Variants in SNTB2 observed in about 807,000 individuals in gnomAD.
SNTB2 encodes syntrophin beta 2, also known as beta-2-syntrophin.
A neutral mutation model predicts 46.2 loss-of-function variants in SNTB2; 34 were observed. That is an observed-to-expected ratio of 0.74 (90% CI 0.56 to 0.98). The LOEUF is 0.98. Ranked by LOEUF, SNTB2 falls within the 50% of genes least tolerant of loss-of-function variation. The probability of loss-of-function intolerance (pLI) is 0.00; values close to 1 mark genes in which losing one functional copy is unlikely to be tolerated. For missense variants in SNTB2, 603 were observed against 731.4 expected (o/e 0.82, Z 2.02); for synonymous variants, 290 against 312.6 (o/e 0.93, Z 0.76).
At chr16:69,240,241 A>C (rs1248703118) in intron 1 of SNTB2, among the ~76,000 whole-genome samples, 1 of 152,212 alleles carries the variant, frequency 6.6e-6, no homozygotes, top group Non-Finnish European at 1.5e-5. Context: ...AGCTCAATAA[A>C]TTAGTGAATT....
In SNTB2 at chr16:69,292,393, TA is replaced by T. The variant is rs1567416416; in HGVS notation, c.1346-7196del. Among the ~76,000 whole-genome samples, 18 of 27,754 alleles carry T rather than the reference TA, an allele frequency of 6.5e-4. 4 individuals are homozygous for T. The African/African-American group carries it at 6.9e-3, about 11-fold the overall frequency. The allele number at this position is 27,754 out of a possible 152,430, so 18.2% of individuals were successfully genotyped here. On this transcript the variant is annotated intron_variant, in intron 5 of 6. Coordinates refer to ENST00000336278, the MANE Select transcript of SNTB2 (RefSeq NM_006750.4). ...ATATATATATATTATATATATATTA[TA>T]TATATATATATATTATATATATATT...
At chr16:69,189,558 G>A (rs551675992) in intron 1 of SNTB2, among the ~76,000 whole-genome samples, 9 of 151,770 alleles carry the variant, frequency 5.9e-5, no homozygotes, top group Admixed American at 1.3e-4. Context: ...AGAACATGAC[G>A]AAACCTCGTC....
chr16:69,300,670 A>C (rs1481613249), intron 6 of SNTB2, among the ~76,000 whole-genome samples, 162 bp from the exon 7 acceptor site: 2 of 152,186 alleles, frequency 1.3e-5, no homozygotes, highest in East Asian at 3.8e-4. Flanking sequence ...ACATGGAATA[A>C]CCTTACTCCA....
chr16:69,261,601 C>T (rs1315536694), intron 3 of SNTB2, among the ~76,000 whole-genome samples: 1 of 151,982 alleles, frequency 6.6e-6, no homozygotes, highest in African/African-American at 2.4e-5. Flanking sequence ...TAATGAAAGT[C>T]ATGATATAAG....
chr16:69,289,028 G>A (rs760022877), intron 5 of SNTB2, among the ~76,000 whole-genome samples: 14 of 152,056 alleles, frequency 9.2e-5, no homozygotes, highest in Non-Finnish European at 1.6e-4. Context: ...CCAGCACTTT[G>A]GGAGGCCGAG....
rs1387800003 is a variant in SNTB2 at position 69,302,692 on chromosome 16, A to G, written c.*1768A>G. 1 of 152,234 alleles carries G rather than the reference A, an allele frequency of 6.6e-6. No homozygotes were observed. Among genetic ancestry groups the G allele is most frequent in the East Asian group, 1.9e-4 (1 of 5,204 alleles). The allele number at this position is 152,234 out of a possible 1,614,324, so 9.4% of individuals were successfully genotyped here. A position where few individuals can be genotyped will look rare whatever the true frequency, so the allele number is the denominator to read the frequency against. ...CCTTCCTCATTACAGTGAAACCAACAATATGCAGAGGTTGGGGAGAGATGC... is the reference window on the plus strand; with the variant it reads ...CCTTCCTCATTACAGTGAAACCAACGATATGCAGAGGTTGGGGAGAGATGC... On this transcript the variant is annotated 3_prime_UTR_variant, in exon 7 of 7. Coordinates refer to ENST00000336278, the MANE Select transcript of SNTB2 (RefSeq NM_006750.4).
intron 1 of SNTB2, among the ~76,000 whole-genome samples, chr16:69,238,371 A>G (rs1181536936): frequency 1.3e-5 from 2 of 152,130 alleles, no homozygotes; most frequent in East Asian, 3.9e-4. Context: ...GCTAATAGCC[A>G]TGGGATACTA....
At chr16:69,238,233 G>A (rs563359164) in intron 1 of SNTB2, among the ~76,000 whole-genome samples, 9 of 152,246 alleles carry the variant, frequency 5.9e-5, no homozygotes, top group African/African-American at 1.7e-4. Context: ...CAATTCGCAG[G>A]TCAGTGCAAT....
At chr16:69,261,853 GA>G (rs771286325) in intron 3 of SNTB2, among the ~76,000 whole-genome samples, 64 of 152,192 alleles carry the variant, frequency 4.2e-4, no homozygotes, top group Non-Finnish European at 6.9e-4. Context: ...TTTTGCCCTG[GA>G]AAGGTAACAA....
rs1314879682 is a variant in SNTB2, at chr16:69,292,369, TATATATATATTATATATATATTATATATA to T, written c.1346-7220_1346-7192del. On this transcript the variant is annotated intron_variant, in intron 5 of 6. Coordinates refer to ENST00000336278, the MANE Select transcript of SNTB2 (RefSeq NM_006750.4). Reference sequence around the variant, plus strand: ...ACCTTATTTTTTATATATATATATATATATATATATTATATATATATTATATATATATATATATTATATATATATTATAT... The same window carrying T: ...ACCTTATTTTTTATATATATATATATTATATATATTATATATATATTATAT... 1.9e-4 allele frequency among the ~76,000 whole-genome samples: 6 copies of T among 32,390 alleles called. 1 individual carries two copies. The highest frequency in any genetic ancestry group is 3.3e-4 in the Non-Finnish European group (6 of 18,050). 21.2% of individuals were successfully genotyped at this position (32,390 alleles called of 152,430 possible). A position where few individuals can be genotyped will look rare whatever the true frequency, so the allele number is the denominator to read the frequency against.
chr16:69,259,707 G>A (rs1386575094), intron 2 of SNTB2, among the ~76,000 whole-genome samples: 6 of 149,592 alleles, frequency 4.0e-5, no homozygotes, highest in South Asian at 2.1e-4. Flanking sequence ...GGGGTCAAGC[G>A]ATTCTCCTGC....
At position 69,237,583 on chromosome 16, in the gene SNTB2, TTTTCTTTC is replaced by T. The variant is rs1226861520; in HGVS notation, c.581-8003_581-7996del. Among the ~76,000 whole-genome samples, 12 of 144,858 alleles carry T rather than the reference TTTTCTTTC, an allele frequency of 8.3e-5. No homozygotes were observed. The South Asian group carries it at 1.3e-3, about 15-fold the overall frequency. On this transcript the variant is annotated intron_variant, in intron 1 of 6. Coordinates refer to ENST00000336278, the MANE Select transcript of SNTB2 (RefSeq NM_006750.4). ...CTATTTTAGGCCAGCATTTCTTTTT[TTTTCTTTC>T]TTTCTTTCTTTCTTTTTTTTTTTTT...
At chr16:69,267,406 C>T (rs891272629) in intron 3 of SNTB2, among the ~76,000 whole-genome samples, 40 of 152,238 alleles carry the variant, frequency 2.6e-4, no homozygotes, top group African/African-American at 9.6e-4. Context: ...ATCTTGGGGA[C>T]AAATACCTAG....
intron 1 of SNTB2, among the ~76,000 whole-genome samples, chr16:69,237,879 C>T (rs967949101): frequency 4.0e-5 from 6 of 151,890 alleles, no homozygotes; most frequent in East Asian, 1.9e-4. Context: ...CTGGGATTAC[C>T]GGCATGAGCC....
Position 69,303,490 on chromosome 16 carries a change from T to G in SNTB2, c.*2566T>G, listed in dbSNP as rs1965292711. On this transcript the variant is annotated 3_prime_UTR_variant, in exon 7 of 7. Transcript: ENST00000336278. ...GTGAGCAGGAAAGGCAAGGCATGTG[T>G]GCATTTTCACTCATTTTGGTCAAGG... is the stretch of plus-strand genomic sequence containing the variant. 6.6e-6 allele frequency: 1 copy of G among 152,608 alleles called. No homozygotes were observed. The highest frequency in any genetic ancestry group is 2.4e-5 in the African/African-American group (1 of 41,444). 9.5% of individuals were successfully genotyped at this position (152,608 alleles called of 1,614,324 possible). A position where few individuals can be genotyped will look rare whatever the true frequency, so the allele number is the denominator to read the frequency against.
chr16:69,242,381 C>T (rs368682288), intron 1 of SNTB2, among the ~76,000 whole-genome samples: 2 of 152,084 alleles, frequency 1.3e-5, no homozygotes, highest in African/African-American at 4.8e-5. Flanking sequence ...TATGATTGTG[C>T]CACTGCCCTG....
At chr16:69,272,135 T>A (rs181520824) in intron 4 of SNTB2, among the ~76,000 whole-genome samples, 1 of 152,150 alleles carries the variant, frequency 6.6e-6, no homozygotes, top group East Asian at 1.9e-4. Flanking sequence ...TTTCAGAAAC[T>A]TAAAAGCTCT....
rs938684050 is a variant in SNTB2 at position 69,203,079 on chromosome 16, C to T, written c.580+15333C>T. Among the ~76,000 whole-genome samples the T allele has an allele frequency of 7.2e-5, 11 of 151,734 alleles. No homozygotes were observed. In the South Asian group the frequency reaches 8.3e-4, roughly 12 times the overall value. ...TGTTGCCCAGGCTAGAGCTCAGGGG[C>T]GCGATCTCAGCTCACTGCAACCTCC... is the stretch of plus-strand genomic sequence containing the variant. On this transcript the variant is annotated intron_variant, in intron 1 of 6. Coordinates refer to ENST00000336278, the MANE Select transcript of SNTB2 (RefSeq NM_006750.4).
At chr16:69,222,264 A>ATATAC (rs1192570228) in intron 1 of SNTB2, among the ~76,000 whole-genome samples, 1 of 152,188 alleles carries the variant, frequency 6.6e-6, no homozygotes, top group African/African-American at 2.4e-5. Context: ...TTAAATGATA[A>ATATAC]GTATAGCTTT....
Sources: allele counts gnomAD v4.1 joint callset (sites outside exome capture counted in the v4.1 genomes callset), GRCh38; gene constraint gnomAD v4.1.1; transcripts MANE v1.5; gene names NCBI Gene and HGNC (gene_info 2026-07-23, HGNC 2026-07-21).